Variants in TVP23B observed in about 807,000 individuals in gnomAD.
TVP23B encodes the protein Golgi apparatus membrane protein TVP23 homolog B.
A neutral mutation model predicts 30.6 loss-of-function variants in TVP23B; 10 were observed. That is an observed-to-expected ratio of 0.33 (90% CI 0.20 to 0.55). The LOEUF (loss-of-function observed/expected upper bound fraction) is 0.55. Ranked by LOEUF, TVP23B falls within the 20% of genes least tolerant of loss-of-function variation. The pLI, the probability that TVP23B is intolerant of heterozygous loss-of-function variation, is 0.91. For synonymous variants in TVP23B, 67 were observed against 83.1 expected (o/e 0.81, Z 1.06); for missense variants, 153 against 243.2 (o/e 0.63, Z 2.47).
At position 18,806,374 on chromosome 17, in the gene TVP23B, A is replaced by C. The variant is rs1242169794; in HGVS notation, c.*807A>C. 2 of 492,498 alleles carry C rather than the reference A, an allele frequency of 4.1e-6. No individual in the cohort carries two copies. Among genetic ancestry groups the C allele is most frequent in the Non-Finnish European group, 5.3e-6 (2 of 379,208 alleles). The allele number at this position is 492,498 out of a possible 1,614,324, so 30.5% of individuals were successfully genotyped here. A position where few individuals can be genotyped will look rare whatever the true frequency, so the allele number is the denominator to read the frequency against. On this transcript the variant is annotated 3_prime_UTR_variant, in exon 7 of 7. Coordinates refer to ENST00000307767, the MANE Select transcript of TVP23B (RefSeq NM_016078.6). Reference sequence around the variant, plus strand: ...GAATAATAATTTACATACTTGGCATAATAAATGCCTAAAAGACATTTTATT... The same window carrying C: ...GAATAATAATTTACATACTTGGCATCATAAATGCCTAAAAGACATTTTATT...
chr17:18,795,122 G>A (rs1437422534), intron 3 of TVP23B, among the ~76,000 whole-genome samples: 1 of 143,908 alleles, frequency 6.9e-6, no homozygotes, highest in Non-Finnish European at 1.5e-5. Context: ...GCCTCCTGGG[G>A]TTCAAGCCAT....
At chr17:18,797,232 A>T in intron 3 of TVP23B, 4 of 272,534 alleles carry the variant, frequency 1.5e-5, no homozygotes, top group Admixed American at 5.0e-5. Context: ...AAATACATGT[A>T]GCTATAGTCA....
intron 5 of TVP23B, among the ~76,000 whole-genome samples, chr17:18,801,427 G>A (rs1163010192): frequency 6.6e-6 from 1 of 152,046 alleles, no homozygotes; most frequent in Non-Finnish European, 1.5e-5. Flanking sequence ...TTTAGTGCGG[G>A]TGAATCCCCC....
Position 18,805,544 on chromosome 17 carries a change from A to T in TVP23B, c.595A>T (p.Thr199Ser). 1 of 1,606,856 alleles carries T rather than the reference A, an allele frequency of 6.2e-7. No individual in the cohort carries two copies. Residue 199 changes from threonine (T) to serine (S), a missense_variant, in exon 7 of 7, where the codon ACT becomes TCT. Physicochemically the swap from Thr to Ser is moderately conservative, Grantham distance 58. This residue lies in a region of TVP23B where 62 missense variants were observed against 74.3 expected (regional missense o/e 0.83). Coordinates refer to ENST00000307767, the MANE Select transcript of TVP23B (RefSeq NM_016078.6). ...TTTTTTTTTTTGTCTTTTGCAGAACACTGGAGATGATCAGACTTCCTGAAT... is the reference window on the plus strand; with the variant it reads ...TTTTTTTTTTTGTCTTTTGCAGAACTCTGGAGATGATCAGACTTCCTGAAT... Reference protein sequence around the residue: ...YFGKQFLRQNTGDDQTS With the variant: ...YFGKQFLRQNSGDDQTS
intron 1 of TVP23B, among the ~76,000 whole-genome samples, chr17:18,783,859 A>G (rs2035853261): frequency 6.6e-6 from 1 of 152,228 alleles, no homozygotes; most frequent in African/African-American, 2.4e-5. Flanking sequence ...TAAAAAATGA[A>G]AACTTGGCCG....
rs71367491 is a variant in TVP23B, at chr17:18,786,168, C to T, written c.13-3185C>T. ...TCCCTTGTAAGGACCATTGTGATCA[C>T]GTCATCTGACCAGCCTGGGTAATCC... On this transcript the variant is annotated intron_variant, in intron 1 of 6. Transcript: ENST00000307767. 1.9e-4 allele frequency among the ~76,000 whole-genome samples: 29 copies of T among 152,068 alleles called. No individual in the cohort carries two copies. In the East Asian group the frequency reaches 1.9e-3, roughly 10 times the overall value.
chr17:18,794,490 CA>C (rs1347592479), intron 3 of TVP23B, among the ~76,000 whole-genome samples: 1 of 152,110 alleles, frequency 6.6e-6, no homozygotes, highest in Admixed American at 6.5e-5. Context: ...TGATCATTTA[CA>C]GTTAAACTTT....
At chr17:18,800,008 T>C (rs1243947712) in intron 5 of TVP23B, among the ~76,000 whole-genome samples, 1 of 152,174 alleles carries the variant, frequency 6.6e-6, no homozygotes, top group East Asian at 1.9e-4. Flanking sequence ...ATTACCCTCT[T>C]TCATGAATTA....
chr17:18,798,255 T>C (rs983321152), intron 4 of TVP23B, among the ~76,000 whole-genome samples: 9 of 152,136 alleles, frequency 5.9e-5, no homozygotes, highest in Admixed American at 2.0e-4. Context: ...ACCAAGGGTA[T>C]TGACAAGTTA....
chr17:18,789,346 C>T lies in TVP23B; in HGVS notation c.13-7C>T. On this transcript the variant is annotated splice_polypyrimidine_tract_variant and splice_region_variant and intron_variant, in intron 1 of 6. Transcript: ENST00000307767. ...TTTGCTTCTTGACCATTTATTTTTC[C>T]TACCAGGATAGTAATGATGACACTG... 1.6e-5 allele frequency: 26 copies of T among 1,613,864 alleles called. No individual in the cohort carries two copies. The highest frequency in any genetic ancestry group is 2.1e-5 in the Non-Finnish European group (25 of 1,179,864).
chr17:18,791,187 G>GTTTTGTTTT (rs2035987568), intron 3 of TVP23B, 147 bp downstream of exon 3: 1 of 109,174 alleles, frequency 9.2e-6, no homozygotes, highest in Non-Finnish European at 1.4e-5. Flanking sequence ...ATTGCATGTA[G>GTTTTGTTTT]TTTTTTTTTT....
At chr17:18,804,057 A>G (rs1217231755) in intron 5 of TVP23B, 81 bp from the exon 6 acceptor site, 1 of 1,097,222 alleles carries the variant, frequency 9.1e-7, no homozygotes, top group African/African-American at 1.6e-5. Context: ...TTCTCATGAC[A>G]GTCTGCCTTG....
chr17:18,784,921 A>T (rs1262762305), intron 1 of TVP23B, among the ~76,000 whole-genome samples: 2 of 152,182 alleles, frequency 1.3e-5, no homozygotes, highest in African/African-American at 4.8e-5. Flanking sequence ...AAACTTTGGA[A>T]TCTTCCTTGA....
intron 1 of TVP23B, among the ~76,000 whole-genome samples, chr17:18,788,823 T>TA (rs1450551999): frequency 6.6e-6 from 1 of 151,946 alleles, no homozygotes; most frequent in Non-Finnish European, 1.5e-5. Context: ...GACTTGAAGA[T>TA]AGAAGAAAGT....
intron 1 of TVP23B, among the ~76,000 whole-genome samples, chr17:18,788,591 G>C (rs1049500953): frequency 7.3e-5 from 11 of 151,602 alleles, no homozygotes; most frequent in Non-Finnish European, 1.6e-4. Flanking sequence ...AGACCAGCCT[G>C]GCCAACATGG....
intron 1 of TVP23B, among the ~76,000 whole-genome samples, chr17:18,785,017 A>G (rs549894444): frequency 3.2e-4 from 49 of 152,182 alleles, no homozygotes; most frequent in African/African-American, 1.1e-3. Flanking sequence ...CTTGGAATCT[A>G]TTTTTCATCA....
chr17:18,800,786 T>C (rs1475764365), intron 5 of TVP23B, among the ~76,000 whole-genome samples: 1 of 152,256 alleles, frequency 6.6e-6, no homozygotes, highest in African/African-American at 2.4e-5. Flanking sequence ...ATTTATGTTC[T>C]ATGGTTTGAC....
chr17:18,794,002 G>A lies in TVP23B; in HGVS notation c.240+2962G>A, dbSNP rs1364886625. On this transcript the variant is annotated intron_variant, in intron 3 of 6. Coordinates refer to ENST00000307767, the MANE Select transcript of TVP23B (RefSeq NM_016078.6). ...GGATCAGAGTAAGAAAGCACTAAGAGGAACAGAAAAAGGTGATTTTATGAA... is the reference window on the plus strand; with the variant it reads ...GGATCAGAGTAAGAAAGCACTAAGAAGAACAGAAAAAGGTGATTTTATGAA... Among the ~76,000 whole-genome samples, 5 of 151,296 alleles carry A rather than the reference G, an allele frequency of 3.3e-5. No homozygotes were observed. The East Asian group carries it at 9.7e-4, about 29-fold the overall frequency.
intron 1 of TVP23B, chr17:18,781,596 G>A: frequency 4.6e-6 from 2 of 439,228 alleles, no homozygotes; most frequent in East Asian, 7.1e-5. Flanking sequence ...CCTTATTGCC[G>A]GGGTGGAGTT....
Sources: allele counts gnomAD v4.1 joint callset (sites outside exome capture counted in the v4.1 genomes callset), GRCh38; gene constraint gnomAD v4.1.1; regional missense constraint gnomAD v4.1.1; transcripts MANE v1.5; gene names NCBI Gene and HGNC (gene_info 2026-07-23, HGNC 2026-07-21).